Variants in SYT9 observed in about 807,000 individuals in gnomAD.
SYT9 encodes the protein synaptotagmin 9.
SYT9 carries 22 observed loss-of-function variants against 48.4 expected under a neutral mutation model. The observed-to-expected ratio is 0.45, with a 90% CI of 0.32 to 0.65. The LOEUF (loss-of-function observed/expected upper bound fraction) is 0.65, where lower values mean the gene tolerates loss of function less well. SYT9 is among the 30% of genes least tolerant of loss of function. The pLI is 0.03. For synonymous variants in SYT9, 265 were observed against 245.0 expected (o/e 1.08, Z -0.76); for missense variants, 577 against 622.0 (o/e 0.93, Z 0.77).
In SYT9 at chr11:7,407,360, A is replaced by ATTTTT. The variant is rs756378336; in HGVS notation, c.1045-8655_1045-8651dup. On this transcript the variant is annotated intron_variant, in intron 3 of 6. Transcript: ENST00000318881. ...CTCAGGTCTTATGTTTAAGTCTATAATTTTTTTTTTTTTTTTTTTTTTTTT... is the reference window on the plus strand; with the variant it reads ...CTCAGGTCTTATGTTTAAGTCTATAATTTTTTTTTTTTTTTTTTTTTTTTTTTTTT... Among the ~76,000 whole-genome samples, 22 of 37,770 alleles carry ATTTTT rather than the reference A, an allele frequency of 5.8e-4. 1 individual carries two copies. The highest frequency in any genetic ancestry group is 1.7e-3 in the South Asian group (2 of 1,182). The allele number at this position is 37,770 out of a possible 152,430, so 24.8% of individuals were successfully genotyped here.
intron 3 of SYT9, among the ~76,000 whole-genome samples, chr11:7,405,385 C>T (rs535111080): frequency 1.7e-3 from 262 of 152,270 alleles, no homozygotes; most frequent in African/African-American, 6.1e-3. Flanking sequence ...AAATTACTCC[C>T]GGTTGAGAAC....
chr11:7,252,343 C>T lies in SYT9; in HGVS notation c.145+12C>T, dbSNP rs924581202. On this transcript the variant is annotated intron_variant, in intron 1 of 6. Coordinates refer to ENST00000318881, the MANE Select transcript of SYT9 (RefSeq NM_175733.4). This position sits in a 1 kb window ranked among gnomAD's most constrained non-coding sequence, Gnocchi z 6.3. ...GCTCCGCGACCCAGGTGAGTGCCGC[C>T]ACCGCCGCCTGGAGGGACCTAAGGG... 1 of 1,457,694 alleles carries T rather than the reference C, an allele frequency of 6.9e-7. No homozygotes were observed. Among genetic ancestry groups the T allele is most frequent in the African/African-American group, 1.5e-5 (1 of 68,054 alleles). The allele number at this position is 1,457,694 out of a possible 1,614,324, so 90.3% of individuals were successfully genotyped here.
At chr11:7,450,309 A>T (rs1848024142) in intron 6 of SYT9, 1 of 152,136 alleles carries the variant, frequency 6.6e-6, no homozygotes, top group South Asian at 2.1e-4. Context: ...CGGGCCTGGG[A>T]TTTGCTTCAA....
In SYT9 at chr11:7,468,477, C is replaced by T. The variant is rs1848369009; in HGVS notation, c.*1677C>T. The T allele has an allele frequency of 2.5e-6, 1 of 395,682 alleles. No individual in the cohort carries two copies. 24.5% of individuals were successfully genotyped at this position (395,682 alleles called of 1,614,324 possible). ...GATGACATAAGGAAAACTTGGCTTC[C>T]TCTGCTCAAGGTTCCCCTCTGCTCA... On this transcript the variant is annotated 3_prime_UTR_variant, in exon 7 of 7. Transcript: ENST00000318881.
Position 7,313,482 on chromosome 11 carries a change from T to C in SYT9, c.585T>C (p.Ile195=), listed in dbSNP as rs138007365. 8.2e-5 allele frequency: 133 copies of C among 1,614,158 alleles called. 1 individual carries two copies. The African/African-American group carries it at 1.5e-3, about 19-fold the overall frequency. ...QLQKQEQLTG[I]GRIKPELYKQ... ...AAAAACAGGAACAGTTGACTGGAATTGGTAGAATTAAACCAGAGTTATATA... is the reference window on the plus strand; with the variant it reads ...AAAAACAGGAACAGTTGACTGGAATCGGTAGAATTAAACCAGAGTTATATA... Residue 195 remains isoleucine, a synonymous_variant, in exon 3 of 7, where the codon ATT becomes ATC. Coordinates refer to ENST00000318881, the MANE Select transcript of SYT9 (RefSeq NM_175733.4).
chr11:7,425,622 G>T (rs917745393), intron 6 of SYT9, among the ~76,000 whole-genome samples: 3 of 152,164 alleles, frequency 2.0e-5, no homozygotes, highest in East Asian at 1.9e-4. Flanking sequence ...AAGCATTAAG[G>T]CCCCCAAGAC....
In SYT9 at chr11:7,303,091, C is replaced by G. The variant is rs749072448; in HGVS notation, c.198C>G (p.Leu66=). ...TLVVTACGLA[L]FGVSLFVSWK... The stretch of plus-strand genomic sequence containing the variant: ...TGGTCACTGCCTGTGGTCTCGCTCT[C>G]TTTGGCGTGTCTCTCTTCGTATCTT... The change falls in exon 2 of 7, where the codon CTC becomes CTG. Residue 66 remains leucine (L), a synonymous_variant. Transcript: ENST00000318881. 28 of 1,614,106 alleles carry G rather than the reference C, an allele frequency of 1.7e-5. No individual in the cohort carries two copies. In the East Asian group the frequency reaches 6.2e-4, roughly 36 times the overall value.
At chr11:7,436,537 C>T (rs1428610989) in intron 6 of SYT9, among the ~76,000 whole-genome samples, 2 of 152,144 alleles carry the variant, frequency 1.3e-5, no homozygotes, top group South Asian at 2.1e-4. Flanking sequence ...TGTATATGTA[C>T]AAATGTAAGA....
At chr11:7,342,722 G>T (rs1208781164) in intron 3 of SYT9, among the ~76,000 whole-genome samples, 1 of 152,176 alleles carries the variant, frequency 6.6e-6, no homozygotes, top group Non-Finnish European at 1.5e-5. Context: ...GCTCCAGTAG[G>T]CAGTGCCCCA....
chr11:7,258,648 T>G (rs140748440), intron 1 of SYT9, among the ~76,000 whole-genome samples: 1 of 152,230 alleles, frequency 6.6e-6, no homozygotes, highest in Admixed American at 6.5e-5. Flanking sequence ...CTTACTACCT[T>G]AGTGACCTTG....
chr11:7,432,586 T>A (rs1847622550), intron 6 of SYT9, among the ~76,000 whole-genome samples: 261 of 3,980 alleles, frequency 0.066, 27 homozygotes, highest in East Asian at 0.11. Context: ...AAAAAAAATA[T>A]ATATACATAT....
At chr11:7,318,322 CT>C (rs11327800) in intron 3 of SYT9, among the ~76,000 whole-genome samples, 33,084 of 146,478 alleles carry the variant, frequency 0.23, 3,868 homozygotes, top group Non-Finnish European at 0.27. Context: ...TCATTAATGC[CT>C]TTTTTTTTTT....
At chr11:7,358,615 A>G (rs1425836210) in intron 3 of SYT9, among the ~76,000 whole-genome samples, 6 of 152,168 alleles carry the variant, frequency 3.9e-5, no homozygotes. Flanking sequence ...TTAAAGATTC[A>G]TAGCTTGCAA....
At chr11:7,422,073 C>A (rs114296124) in intron 6 of SYT9, among the ~76,000 whole-genome samples, 1 of 152,204 alleles carries the variant, frequency 6.6e-6, no homozygotes, top group African/African-American at 2.4e-5. Flanking sequence ...GCAGGAAGCT[C>A]TCTTCCATGC....
At chr11:7,379,694 T>C (rs556884760) in intron 3 of SYT9, among the ~76,000 whole-genome samples, 2 of 152,280 alleles carry the variant, frequency 1.3e-5, no homozygotes, top group East Asian at 3.9e-4. Context: ...TTACTCCTTA[T>C]GTAATCCTGA....
chr11:7,381,464 G>A (rs1850563335), intron 3 of SYT9, among the ~76,000 whole-genome samples: 1 of 152,062 alleles, frequency 6.6e-6, no homozygotes, highest in Non-Finnish European at 1.5e-5. Context: ...AGGGTCCTTG[G>A]CCACTGCCCT....
At chr11:7,244,905 C>G (rs146583614) in intron 1 of SYT9, among the ~76,000 whole-genome samples, 112 of 152,276 alleles carry the variant, frequency 7.4e-4, no homozygotes, top group African/African-American at 2.4e-3. Context: ...GCCTGAGGCA[C>G]AGAGAGAGCA....
intron 1 of SYT9, among the ~76,000 whole-genome samples, chr11:7,298,990 C>G (rs912563973): frequency 6.6e-6 from 1 of 152,152 alleles, no homozygotes; most frequent in Non-Finnish European, 1.5e-5. Context: ...CCTTGAGGGA[C>G]TATCTGGCTA....
chr11:7,324,899 T>C (rs1319137159), intron 3 of SYT9, among the ~76,000 whole-genome samples: 3 of 152,114 alleles, frequency 2.0e-5, no homozygotes, highest in Non-Finnish European at 4.4e-5. Flanking sequence ...GTCTAATATA[T>C]CAGTTATTGA....
Sources: gnomAD v4.1 joint callset for allele counts (sites outside exome capture counted in the v4.1 genomes callset) on GRCh38, gnomAD v4.1.1 for gene constraint, Gnocchi (gnomAD v3.1) non-coding constraint, MANE v1.5 for transcripts, NCBI Gene and HGNC (gene_info 2026-07-23, HGNC 2026-07-21) for gene names.